CCDC171: variants seen among roughly 807,000 people sequenced by gnomAD.
CCDC171 encodes coiled-coil domain containing 171.
CCDC171 carries 177 observed loss-of-function variants against 168.2 expected under a neutral mutation model. That is an observed-to-expected ratio of 1.05 (90% confidence interval 0.93 to 1.19). The LOEUF (loss-of-function observed/expected upper bound fraction) is 1.19, where lower values mean the gene tolerates loss of function less well. Among genes scored for constraint, CCDC171 ranks in the 50% most tolerant of loss-of-function variants. The probability of loss-of-function intolerance (pLI) is 0.00; values close to 1 mark genes in which losing one functional copy is unlikely to be tolerated. For missense variants in CCDC171, 1,991 were observed against 1,539.0 expected, an observed-to-expected ratio of 1.29 and a Z score of -4.91; for synonymous variants, 687 against 540.8, an observed-to-expected ratio of 1.27 and a Z score of -3.75.
intron 25 of CCDC171, 93 bp downstream of exon 25, chr9:15,920,515 T>C: frequency 1.1e-6 from 1 of 885,174 alleles, no homozygotes; most frequent in Admixed American, 2.7e-5. Context: ...CATTTGCCAA[T>C]ATATATAATT....
At chr9:15,977,095 C>A (rs1489250443), downstream of CCDC171, among the ~76,000 whole-genome samples, 1 of 152,126 alleles carries the variant, frequency 6.6e-6, no homozygotes, top group African/African-American at 2.4e-5. Flanking sequence ...TAGAAGAGCT[C>A]CATCTTTTTT....
intron 25 of CCDC171, among the ~76,000 whole-genome samples, chr9:15,932,124 CT>C (rs528817114): frequency 6.6e-6 from 1 of 151,494 alleles, no homozygotes; most frequent in African/African-American, 2.4e-5. Flanking sequence ...AATTTTAGCA[CT>C]TTTTTTTCCA....
intron 25 of CCDC171, among the ~76,000 whole-genome samples, chr9:15,935,576 T>C (rs933587877): frequency 6.6e-6 from 1 of 152,098 alleles, no homozygotes; most frequent in Non-Finnish European, 1.5e-5. Context: ...AATTTGGTTA[T>C]ATTAGCATAT....
At chr9:15,743,253 C>T (rs576146866) in intron 16 of CCDC171, among the ~76,000 whole-genome samples, 19 of 144,958 alleles carry the variant, frequency 1.3e-4, no homozygotes, top group Admixed American at 9.2e-4. Context: ...GCAGCCTCAA[C>T]CTCCTGGATT....
At chr9:15,894,199 TCTTA>T (rs1820582244) in intron 24 of CCDC171, among the ~76,000 whole-genome samples, 1 of 152,134 alleles carries the variant, frequency 6.6e-6, no homozygotes, top group Non-Finnish European at 1.5e-5. Context: ...TACTGCATGT[TCTTA>T]CTTATAAGTG....
chr9:15,632,486 G>C (rs1324309776), intron 7 of CCDC171, among the ~76,000 whole-genome samples: 1 of 152,024 alleles, frequency 6.6e-6, no homozygotes, highest in African/African-American at 2.4e-5. Context: ...ACCTCTTCAA[G>C]GAGAGCTACA....
At chr9:15,595,214 T>G (rs746495080) in intron 6 of CCDC171, among the ~76,000 whole-genome samples, 11 of 152,088 alleles carry the variant, frequency 7.2e-5, no homozygotes, top group Admixed American at 2.0e-4. Context: ...TTGTTTCATA[T>G]GTATACATGT....
At chr9:15,698,535 A>C (rs2051410543) in intron 11 of CCDC171, among the ~76,000 whole-genome samples, 1 of 151,942 alleles carries the variant, frequency 6.6e-6, no homozygotes, top group African/African-American at 2.4e-5. Flanking sequence ...AAAAAAAAAA[A>C]AAAAGGAACA....
At chr9:15,769,433 G>C (rs568829925) in intron 18 of CCDC171, among the ~76,000 whole-genome samples, 33 of 152,316 alleles carry the variant, frequency 2.2e-4, no homozygotes, top group Non-Finnish European at 3.7e-4. Flanking sequence ...GGAACGGTCT[G>C]TGGACTTGAA....
At chr9:15,842,228 A>C (rs2060709416) in intron 21 of CCDC171, among the ~76,000 whole-genome samples, 1 of 152,016 alleles carries the variant, frequency 6.6e-6, no homozygotes. Context: ...CCATTAGACA[A>C]AAGAAAATCT....
At chr9:15,928,703 C>T (rs749552967) in intron 25 of CCDC171, among the ~76,000 whole-genome samples, 2 of 151,680 alleles carry the variant, frequency 1.3e-5, no homozygotes, top group Non-Finnish European at 3.0e-5. Flanking sequence ...TGACTGCCAG[C>T]TCTGGCTTTT....
chr9:16,085,514 G>A, the CCDC171 span, among the ~76,000 whole-genome samples: 71,256 of 152,034 alleles, frequency 0.47, 19,027 homozygotes, highest in African/African-American at 0.74. Context: ...TCTGCAGCCA[G>A]TGACTGAACA....
intron 7 of CCDC171, among the ~76,000 whole-genome samples, chr9:15,628,217 G>C (rs2045335349): frequency 1.3e-5 from 2 of 152,128 alleles, no homozygotes; most frequent in Admixed American, 1.3e-4. Context: ...AGCCGAAGCA[G>C]GGCGAGGCAT....
chr9:16,095,244 T>G, the CCDC171 span, among the ~76,000 whole-genome samples: 7 of 152,184 alleles, frequency 4.6e-5, no homozygotes, highest in Non-Finnish European at 1.5e-5. Context: ...TCTTACTGAC[T>G]CTGAGCAAGG....
intron 24 of CCDC171, among the ~76,000 whole-genome samples, chr9:15,914,256 TC>T (rs1415991551): frequency 2.0e-5 from 3 of 152,122 alleles, no homozygotes; most frequent in Middle Eastern, 3.4e-3. Flanking sequence ...CTGCCCCCCT[TC>T]CCCCAGGTAC....
intron 23 of CCDC171, among the ~76,000 whole-genome samples, chr9:15,868,787 G>C (rs1042289674): frequency 2.0e-5 from 3 of 151,928 alleles, no homozygotes; most frequent in Non-Finnish European, 4.4e-5. Flanking sequence ...TCATATTAGA[G>C]ATGGCAATAA....
Position 15,819,782 on chromosome 9 carries a change from G to T in CCDC171, c.3268-26920G>T, listed in dbSNP as rs566006457. On this transcript the variant is annotated intron_variant, in intron 21 of 25. Coordinates refer to ENST00000380701, the MANE Select transcript of CCDC171 (RefSeq NM_173550.4). The stretch of plus-strand genomic sequence containing the variant: ...CACTGTCAATATTAGACAGATCAAC[G>T]AGACAGAAAGTTAACAAGGATATCC... 2.5e-4 allele frequency among the ~76,000 whole-genome samples: 29 copies of T among 116,616 alleles called. 8 individuals are homozygous for T. Among genetic ancestry groups the T allele is most frequent in the African/African-American group, 7.4e-4 (23 of 30,946 alleles). 76.5% of individuals were successfully genotyped at this position (116,616 alleles called of 152,430 possible).
intron 24 of CCDC171, among the ~76,000 whole-genome samples, chr9:15,913,372 A>T (rs181572137): frequency 1.3e-5 from 2 of 151,698 alleles, no homozygotes; most frequent in African/African-American, 4.9e-5. Context: ...AGCAGTGGTG[A>T]TCTCCCCTTT....
chr9:15,971,976 C>A lies in CCDC171; in HGVS notation c.*140C>A. 1.6e-6 allele frequency: 1 copy of A among 637,862 alleles called. No homozygotes were observed. The highest frequency in any genetic ancestry group is 2.7e-6 in the Non-Finnish European group (1 of 373,960). 39.5% of individuals were successfully genotyped at this position (637,862 alleles called of 1,614,324 possible). A position where few individuals can be genotyped will look rare whatever the true frequency, so the allele number is the denominator to read the frequency against. On this transcript the variant is annotated 3_prime_UTR_variant, in exon 26 of 26. Coordinates refer to ENST00000380701, the MANE Select transcript of CCDC171 (RefSeq NM_173550.4). ...AATTTGTGCGCTATCTTGATGTATTCTGGTAGCTCTGTCTCCTTGAATAAG... is the reference window on the plus strand; with the variant it reads ...AATTTGTGCGCTATCTTGATGTATTATGGTAGCTCTGTCTCCTTGAATAAG...
Sources: allele counts gnomAD v4.1 joint callset (sites outside exome capture counted in the v4.1 genomes callset), GRCh38; gene constraint gnomAD v4.1.1; transcripts MANE v1.5; gene names NCBI Gene and HGNC (gene_info 2026-07-23, HGNC 2026-07-21).